The following ATP1B1 variants were observed in gnomAD, a reference collection of about 807,000 sequenced individuals.
The protein encoded by ATP1B1 is sodium/potassium-transporting ATPase subunit beta-1.
A neutral mutation model predicts 39.6 loss-of-function variants in ATP1B1; 3 were observed. The observed-to-expected ratio is 0.08, with a 90% CI of 0.03 to 0.20. The LOEUF (loss-of-function observed/expected upper bound fraction) is 0.20, where lower values mean the gene tolerates loss of function less well. Ranked by LOEUF, ATP1B1 falls within the 10% of genes least tolerant of loss-of-function variation. The probability of loss-of-function intolerance (pLI) is 1.00; values close to 1 mark genes in which losing one functional copy is unlikely to be tolerated. For missense variants in ATP1B1, 216 were observed against 371.1 expected (o/e 0.58, Z 3.43); for synonymous variants, 139 against 135.0 (o/e 1.03, Z -0.20).
intron 1 of ATP1B1, among the ~76,000 whole-genome samples, chr1:169,107,744 C>T (rs1312749421): frequency 6.6e-6 from 1 of 150,844 alleles, no homozygotes; most frequent in Non-Finnish European, 1.5e-5. Context: ...TTTTCAGCCT[C>T]TCCGGAAAGG....
At chr1:169,118,387 A>G (rs1571222969) in intron 2 of ATP1B1, among the ~76,000 whole-genome samples, 1 of 152,144 alleles carries the variant, frequency 6.6e-6, no homozygotes. Flanking sequence ...TGTGAATGTG[A>G]CCCTGCCTGC....
chr1:169,109,333 A>G (rs1571218176), intron 1 of ATP1B1, among the ~76,000 whole-genome samples: 1 of 152,094 alleles, frequency 6.6e-6, no homozygotes, highest in East Asian at 1.9e-4. Context: ...AGCTCCCCTC[A>G]CAGTGCCACC....
intron 2 of ATP1B1, among the ~76,000 whole-genome samples, chr1:169,119,724 T>G (rs1657933106): frequency 6.6e-6 from 1 of 152,140 alleles, no homozygotes; most frequent in African/African-American, 2.4e-5. Flanking sequence ...TAGTAACCCA[T>G]TGTAAGTCGA....
At chr1:169,114,371 G>A (rs1280306596) in intron 2 of ATP1B1, among the ~76,000 whole-genome samples, 1 of 152,176 alleles carries the variant, frequency 6.6e-6, no homozygotes, top group Non-Finnish European at 1.5e-5. Context: ...GGGTGTGAAA[G>A]TTTGCATATG....
chr1:169,108,023 T>C (rs1657641577), intron 1 of ATP1B1: 1 of 151,972 alleles, frequency 6.6e-6, no homozygotes, highest in South Asian at 2.1e-4. Flanking sequence ...GGCAGGAGAA[T>C]GAGTCAGGGA....
At chr1:169,126,880 A>G (rs12028817) in intron 3 of ATP1B1, among the ~76,000 whole-genome samples, 62,342 of 151,890 alleles carry the variant, frequency 0.41, 14,556 homozygotes, top group Non-Finnish European at 0.53. Flanking sequence ...GATGCTACTC[A>G]CGCAGTGTGA....
chr1:169,121,270 G>T (rs935791708), intron 2 of ATP1B1, among the ~76,000 whole-genome samples: 1 of 152,102 alleles, frequency 6.6e-6, no homozygotes, highest in Non-Finnish European at 1.5e-5. Flanking sequence ...ATTAACAACA[G>T]AGGCACTTAC....
intron 1 of ATP1B1, chr1:169,107,776 AAAG>A (rs761840830): frequency 1.2e-4 from 19 of 152,140 alleles, no homozygotes; most frequent in African/African-American, 4.3e-4. Flanking sequence ...TTTTTAAAAA[AAAG>A]GTCATTTTGA....
chr1:169,114,103 G>T (rs1657785884), intron 2 of ATP1B1, among the ~76,000 whole-genome samples: 1 of 124,750 alleles, frequency 8.0e-6, no homozygotes, highest in Non-Finnish European at 1.8e-5. Flanking sequence ...GCAGCTCTTG[G>T]GCCACCCCTT....
At chr1:169,128,548 T>A (rs1658134497) in intron 4 of ATP1B1, among the ~76,000 whole-genome samples, 1 of 152,208 alleles carries the variant, frequency 6.6e-6, no homozygotes, top group Non-Finnish European at 1.5e-5. Flanking sequence ...AATGTACCTC[T>A]CAAAAGGATT....
At chr1:169,122,487 G>A in intron 2 of ATP1B1, among the ~76,000 whole-genome samples, 1 of 152,110 alleles carries the variant, frequency 6.6e-6, no homozygotes, top group East Asian at 1.9e-4. Flanking sequence ...CAATACTGCT[G>A]TTTTGCACCA....
In ATP1B1 at chr1:169,131,734, A is replaced by G. The variant is rs1439879404; in HGVS notation, c.*179A>G. The G allele has an allele frequency of 1.3e-6, 1 of 742,578 alleles. No homozygotes were observed. Among genetic ancestry groups the G allele is most frequent in the Non-Finnish European group, 2.0e-6 (1 of 489,740 alleles). 46.0% of individuals were successfully genotyped at this position (742,578 alleles called of 1,614,324 possible). A position where few individuals can be genotyped will look rare whatever the true frequency, so the allele number is the denominator to read the frequency against. ...TGTAAATTAAAGTGTAGCAATAGCAACAAAATATTTATTCTACTGTAAATG... is the reference window on the plus strand; with the variant it reads ...TGTAAATTAAAGTGTAGCAATAGCAGCAAAATATTTATTCTACTGTAAATG... On this transcript the variant is annotated 3_prime_UTR_variant, in exon 6 of 6. Coordinates refer to ENST00000367815, the MANE Select transcript of ATP1B1 (RefSeq NM_001677.4). The surrounding 1 kb of genome is among the most constrained non-coding windows in gnomAD (Gnocchi z 4.4).
Position 169,124,976 on chromosome 1 carries a change from A to G in ATP1B1, c.319A>G (p.Arg107Gly), listed in dbSNP as rs1658056646. 3 of 1,613,924 alleles carry G rather than the reference A, an allele frequency of 1.9e-6. 1 individual carries two copies. Among genetic ancestry groups the G allele is most frequent in the Admixed American group, 1.7e-5 (1 of 59,928 alleles). Residue 107 changes from arginine (R) to glycine (G), a missense_variant, in exon 3 of 6, where the codon AGG becomes GGG. Transcript: ENST00000367815. ...SYEAYVLNIV[R>G]FLEKYKDSAQ... Reference sequence around the variant, plus strand: ...TGAGGCATATGTACTGAACATAGTTAGGTTCCTGGAAAAGTACAAAGATTC... The same window carrying G: ...TGAGGCATATGTACTGAACATAGTTGGGTTCCTGGAAAAGTACAAAGATTC...
intron 2 of ATP1B1, among the ~76,000 whole-genome samples, chr1:169,113,706 AG>A (rs527844268): frequency 1.1e-3 from 174 of 152,066 alleles, no homozygotes; most frequent in Non-Finnish European, 1.9e-3. Flanking sequence ...ACATGTTCTT[AG>A]TACCTATATT....
At chr1:169,126,743 A>AAT (rs1658095294) in intron 3 of ATP1B1, among the ~76,000 whole-genome samples, 1 of 152,176 alleles carries the variant, frequency 6.6e-6, no homozygotes, top group African/African-American at 2.4e-5. Context: ...TGAAAAGGAA[A>AAT]ATACCAGTTC....
chr1:169,107,215 G>A (rs1448836136), intron 1 of ATP1B1, among the ~76,000 whole-genome samples: 1 of 152,172 alleles, frequency 6.6e-6, no homozygotes, highest in Non-Finnish European at 1.5e-5. Context: ...CCGTGCATCG[G>A]TTGAGCCTTT....
chr1:169,106,980 C>G (rs1657606980), intron 1 of ATP1B1, 54 bp downstream of exon 1: 1 of 1,500,364 alleles, frequency 6.7e-7, no homozygotes. Flanking sequence ...TCCCGGGCGG[C>G]GCATCCCCTG....
intron 1 of ATP1B1, chr1:169,110,554 C>G (rs1276709463): frequency 1.0e-6 from 1 of 966,224 alleles, no homozygotes; most frequent in Non-Finnish European, 1.4e-6. Context: ...TCATTCCCAT[C>G]TATGTGTTGA....
chr1:169,115,667 A>G (rs965713049), intron 2 of ATP1B1, among the ~76,000 whole-genome samples: 2 of 152,282 alleles, frequency 1.3e-5, no homozygotes, highest in South Asian at 2.1e-4. Context: ...TTATAGCCCT[A>G]TCTTTCTACT....
Sources: allele counts gnomAD v4.1 joint callset (sites outside exome capture counted in the v4.1 genomes callset), GRCh38; gene constraint gnomAD v4.1.1; non-coding constraint Gnocchi (gnomAD v3.1); transcripts MANE v1.5; gene names NCBI Gene and HGNC (gene_info 2026-07-23, HGNC 2026-07-21).